CELF2: variants seen among roughly 807,000 people sequenced by gnomAD.
CELF2 encodes the protein CUGBP Elav-like family member 2, also known as CUG triplet repeat RNA-binding protein 2.
In CELF2, 8 loss-of-function variants were observed where a neutral mutation model predicts 62.6. That is an observed-to-expected ratio of 0.13 (90% CI 0.07 to 0.23). The LOEUF is 0.23. Ranked by LOEUF, CELF2 falls within the 10% of genes least tolerant of loss-of-function variation. CELF2 has a pLI of 1.00. For synonymous variants in CELF2, 258 were observed against 250.0 expected (o/e 1.03, Z -0.30); for missense variants, 333 against 671.0 (o/e 0.50, Z 5.56).
the CELF2 span, among the ~76,000 whole-genome samples, chr10:10,705,006 T>C: frequency 6.6e-6 from 1 of 151,356 alleles, no homozygotes; most frequent in Non-Finnish European, 1.5e-5. Flanking sequence ...CTGGGCAACA[T>C]GGCGAGACCT....
At chr10:10,811,440 G>A (rs1784376436) in intron 1 of CELF2, among the ~76,000 whole-genome samples, 1 of 152,126 alleles carries the variant, frequency 6.6e-6, no homozygotes, top group Non-Finnish European at 1.5e-5. Context: ...TGTGTACACT[G>A]CCACCTGTAG....
At chr10:11,161,046 A>T (rs2065601929) in intron 1 of CELF2, among the ~76,000 whole-genome samples, 1 of 152,230 alleles carries the variant, frequency 6.6e-6, no homozygotes, top group Non-Finnish European at 1.5e-5. Flanking sequence ...TTATTATAAT[A>T]GTTTACTGAT....
intron 2 of CELF2, chr10:10,946,261 A>G (rs2047668341): frequency 1.3e-5 from 2 of 152,334 alleles, no homozygotes; most frequent in Admixed American, 6.5e-5. Flanking sequence ...ATTGCACATC[A>G]AGAAGGAAAC....
chr10:10,952,694 T>C (rs893868216), intron 2 of CELF2, among the ~76,000 whole-genome samples: 1 of 142,050 alleles, frequency 7.0e-6, no homozygotes, highest in East Asian at 2.1e-4. Context: ...AAAAAAGAGG[T>C]GGGGGATTGT....
At chr10:10,771,686 C>T in the CELF2 span, among the ~76,000 whole-genome samples, 1 of 152,200 alleles carries the variant, frequency 6.6e-6, no homozygotes, top group East Asian at 1.9e-4. Flanking sequence ...TTGCCTGCTG[C>T]CATCCACATA....
In CELF2 at chr10:11,110,252, C is replaced by T. The variant is rs1040065482; in HGVS notation, c.75-55234C>T. ...ACGTCCTACCGCACTCCAGCATGGG[C>T]GACAGAGCAAGACCATGTCTTAAAA... On this transcript the variant is annotated intron_variant, in intron 1 of 12. Coordinates refer to ENST00000633077, the MANE Select transcript of CELF2 (RefSeq NM_001326342.2). This position sits in a 1 kb window ranked among gnomAD's most constrained non-coding sequence, Gnocchi z 4.0. Among the ~76,000 whole-genome samples the T allele has an allele frequency of 9.2e-5, 14 of 151,904 alleles. No individual in the cohort carries two copies. The highest frequency in any genetic ancestry group is 3.1e-4 in the African/African-American group (13 of 41,374).
chr10:10,950,881 G>A (rs2048242934), intron 2 of CELF2, among the ~76,000 whole-genome samples: 1 of 152,164 alleles, frequency 6.6e-6, no homozygotes, highest in South Asian at 2.1e-4. Flanking sequence ...GGCCTGTGCT[G>A]AGCCAAAGGA....
chr10:11,009,682 G>A (rs1274009403), intron 1 of CELF2, among the ~76,000 whole-genome samples: 2 of 152,162 alleles, frequency 1.3e-5, no homozygotes, highest in Non-Finnish European at 2.9e-5. Flanking sequence ...AGGTTGACCC[G>A]CCCATGATTG....
chr10:10,525,991 T>C, the CELF2 span, among the ~76,000 whole-genome samples: 7 of 152,242 alleles, frequency 4.6e-5, no homozygotes, highest in African/African-American at 9.6e-5. Flanking sequence ...ACGTGTGTTG[T>C]CTTTCTGATT....
intron 1 of CELF2, among the ~76,000 whole-genome samples, chr10:10,861,977 C>A (rs1216794624): frequency 6.6e-6 from 1 of 152,112 alleles, no homozygotes; most frequent in East Asian, 1.9e-4. Context: ...TCCAGCTCTC[C>A]AAAATGCTTA....
chr10:10,897,094 T>C (rs1432105553), intron 1 of CELF2, among the ~76,000 whole-genome samples: 1 of 152,174 alleles, frequency 6.6e-6, no homozygotes, highest in Non-Finnish European at 1.5e-5. Flanking sequence ...GAAGAGATTA[T>C]TGGTAGAAAT....
chr10:11,049,948 A>G (rs559832823), intron 1 of CELF2, among the ~76,000 whole-genome samples: 57 of 152,340 alleles, frequency 3.7e-4, no homozygotes, highest in South Asian at 1.9e-3. Flanking sequence ...CAGGGGCACC[A>G]TAAACACTTG....
Position 11,267,644 on chromosome 10 carries a change from T to G in CELF2, c.618+967T>G, listed in dbSNP as rs955569978. ...AAAAAACTTTTTTCTTGATTGAGCT[T>G]CTGTTTTCCCCCCATTTTGTTGGGG... On this transcript the variant is annotated intron_variant, in intron 6 of 12. Transcript: ENST00000633077. The surrounding 1 kb of genome is among the most constrained non-coding windows in gnomAD (Gnocchi z 4.4). Among the ~76,000 whole-genome samples the G allele has an allele frequency of 1.3e-5, 2 of 152,252 alleles. No individual in the cohort carries two copies. The highest frequency in any genetic ancestry group is 4.8e-5 in the African/African-American group (2 of 41,470).
Position 11,109,904 on chromosome 10 carries a change from G to T in CELF2, c.75-55582G>T, listed in dbSNP as rs187297569. ...AGTCAGTGGGTGGGAGTCGAGGCAG[G>T]TGAGAGAGCAGTCTGACAGGAGTGG... On this transcript the variant is annotated intron_variant, in intron 1 of 12. Transcript: ENST00000633077. 9.2e-5 allele frequency among the ~76,000 whole-genome samples: 14 copies of T among 152,300 alleles called. No homozygotes were observed. The East Asian group carries it at 2.3e-3, about 25-fold the overall frequency.
At chr10:11,275,652 T>G (rs984032789) in intron 8 of CELF2, among the ~76,000 whole-genome samples, 1 of 152,234 alleles carries the variant, frequency 6.6e-6, no homozygotes, top group African/African-American at 2.4e-5. Flanking sequence ...GACAGAATCA[T>G]GCATCAGAAG....
chr10:11,197,065 A>AGAAG, intron 2 of CELF2, among the ~76,000 whole-genome samples: 3 of 121,244 alleles, frequency 2.5e-5, no homozygotes, highest in Middle Eastern at 4.2e-3. Context: ...AAGAAAAGAA[A>AGAAG]GAAAGGAAAG....
chr10:10,915,469 G>A (rs1312439715), intron 1 of CELF2, among the ~76,000 whole-genome samples: 1 of 152,144 alleles, frequency 6.6e-6, no homozygotes, highest in East Asian at 1.9e-4. Context: ...GCAGTAGAAG[G>A]ATCACAGCTC....
In CELF2 at chr10:11,177,145, C is replaced by G. The variant is rs2071492808; in HGVS notation, c.271+11463C>G. 6.6e-6 allele frequency among the ~76,000 whole-genome samples: 1 copy of G among 152,106 alleles called. No homozygotes were observed. On this transcript the variant is annotated intron_variant, in intron 2 of 12. Transcript: ENST00000633077. The surrounding 1 kb of genome is among the most constrained non-coding windows in gnomAD (Gnocchi z 4.8). ...AGAAAAGGAAGTAAACATGTTAATA[C>G]TAGCTTTCATAAATCCCCCTCTCTA...
At chr10:10,888,544 T>G (rs1369045564) in intron 1 of CELF2, among the ~76,000 whole-genome samples, 1 of 152,204 alleles carries the variant, frequency 6.6e-6, no homozygotes, top group Non-Finnish European at 1.5e-5. Context: ...AAAGATTTTT[T>G]GTGGGTAACG....
Sources: allele counts gnomAD v4.1 joint callset (sites outside exome capture counted in the v4.1 genomes callset), GRCh38; gene constraint gnomAD v4.1.1; non-coding constraint Gnocchi (gnomAD v3.1); transcripts MANE v1.5; gene names NCBI Gene and HGNC (gene_info 2026-07-23, HGNC 2026-07-21).